SGCD: variants seen among roughly 807,000 people sequenced by gnomAD.
The protein encoded by SGCD is sarcoglycan delta.
SGCD carries 18 observed loss-of-function variants against 36.6 expected under a neutral mutation model. The observed-to-expected ratio is 0.49, with a 90% CI of 0.34 to 0.73. The LOEUF is 0.73. Ranked by LOEUF, SGCD falls within the 30% of genes least tolerant of loss-of-function variation. SGCD has a pLI of 0.01. For synonymous variants in SGCD, 133 were observed against 130.6 expected (o/e 1.02, Z -0.12); for missense variants, 387 against 346.7 (o/e 1.12, Z -0.92).
chr5:156,342,621 G>A (rs148864676), intron 2 of SGCD, among the ~76,000 whole-genome samples: 143 of 152,148 alleles, frequency 9.4e-4, no homozygotes, highest in African/African-American at 3.3e-3. Flanking sequence ...TTGTGTTCCC[G>A]TCTTCTTATA....
At chr5:155,981,147 A>G (rs952836329) in intron 1 of SGCD, among the ~76,000 whole-genome samples, 2 of 152,028 alleles carry the variant, frequency 1.3e-5, no homozygotes, top group African/African-American at 4.8e-5. Context: ...GAGGACCTGC[A>G]TCTAGGTGAG....
chr5:156,028,750 T>C (rs566316417), intron 1 of SGCD, among the ~76,000 whole-genome samples: 17 of 152,340 alleles, frequency 1.1e-4, no homozygotes, highest in African/African-American at 4.1e-4. Context: ...ATTTTTTCTT[T>C]GAAAGAGATT....
chr5:156,408,159 C>A (rs1772522768), intron 3 of SGCD, among the ~76,000 whole-genome samples: 1 of 152,138 alleles, frequency 6.6e-6, no homozygotes, highest in Admixed American at 6.5e-5. Context: ...CCTCTTAGCT[C>A]TTTTGTCTTT....
At chr5:156,444,064 TTCTCTCTCTCTCTCTCTCTCTC>T (rs535098783) in intron 3 of SGCD, among the ~76,000 whole-genome samples, 9 of 34,486 alleles carry the variant, frequency 2.6e-4, no homozygotes, top group Non-Finnish European at 4.1e-4. Flanking sequence ...CTTTCTCTCC[TTCTCTCTCTCTCTCTCTCTCTC>T]TCTCTCTCTC....
At chr5:156,451,424 T>C (rs1031536518) in intron 3 of SGCD, among the ~76,000 whole-genome samples, 20 of 152,162 alleles carry the variant, frequency 1.3e-4, no homozygotes, top group African/African-American at 4.8e-4. Flanking sequence ...GGATGTGTCC[T>C]GTTAAGGAAT....
chr5:156,240,322 A>G (rs747353929), intron 3 of SGCD, among the ~76,000 whole-genome samples: 1 of 152,176 alleles, frequency 6.6e-6, no homozygotes, highest in Non-Finnish European at 1.5e-5. Flanking sequence ...GAATAGAATA[A>G]GCTGTTTTCT....
chr5:156,479,162 G>T (rs1175406993), intron 3 of SGCD, among the ~76,000 whole-genome samples: 1 of 151,160 alleles, frequency 6.6e-6, no homozygotes, highest in South Asian at 2.1e-4. Flanking sequence ...ACATGATCTC[G>T]GCTCACTGCA....
the SGCD span, among the ~76,000 whole-genome samples, chr5:155,789,836 C>A: frequency 6.6e-5 from 10 of 152,150 alleles, no homozygotes; most frequent in African/African-American, 1.7e-4. Flanking sequence ...ATTTGCCACA[C>A]GTCCCAAAGT....
the SGCD span, among the ~76,000 whole-genome samples, chr5:155,751,516 G>T: frequency 2.0e-5 from 3 of 151,954 alleles, no homozygotes; most frequent in African/African-American, 7.2e-5. Context: ...CCTCCCCAGT[G>T]GCTGGGACTA....
chr5:155,831,338 A>C, the SGCD span, among the ~76,000 whole-genome samples: 1 of 152,106 alleles, frequency 6.6e-6, no homozygotes, highest in African/African-American at 2.4e-5. Flanking sequence ...AGTTCATTTC[A>C]TCTTGTACAA....
chr5:156,086,792 CATAAA>C (rs1761105569), intron 1 of SGCD, among the ~76,000 whole-genome samples: 1 of 152,102 alleles, frequency 6.6e-6, no homozygotes. Flanking sequence ...AGAAGCTAAA[CATAAA>C]ATAAACAAGG....
intron 3 of SGCD, among the ~76,000 whole-genome samples, chr5:156,255,768 G>T (rs193166904): frequency 6.6e-6 from 1 of 152,004 alleles, no homozygotes; most frequent in South Asian, 2.1e-4. Flanking sequence ...CTCACCAGAG[G>T]TGTGTTTATT....
chr5:156,175,293 G>GTTACTT (rs1280728797), intron 3 of SGCD, among the ~76,000 whole-genome samples: 2 of 152,072 alleles, frequency 1.3e-5, no homozygotes, highest in African/African-American at 4.8e-5. Flanking sequence ...ATGCCTGTCA[G>GTTACTT]TTACTTTTGA....
intron 7 of SGCD, among the ~76,000 whole-genome samples, chr5:156,686,803 A>G (rs967120154): frequency 1.3e-5 from 2 of 152,202 alleles, no homozygotes; most frequent in Non-Finnish European, 2.9e-5. Flanking sequence ...TTCTATAGGC[A>G]AAGCCAAAGC....
At chr5:156,628,071 T>C (rs899710568) in intron 6 of SGCD, among the ~76,000 whole-genome samples, 6 of 152,110 alleles carry the variant, frequency 3.9e-5, no homozygotes, top group Non-Finnish European at 7.4e-5. Context: ...CTTACAGTCA[T>C]GGTGGAAGGC....
chr5:155,996,275 C>CT (rs1293514017), intron 1 of SGCD, among the ~76,000 whole-genome samples: 2 of 152,020 alleles, frequency 1.3e-5, no homozygotes, highest in African/African-American at 4.8e-5. Context: ...CTTCTCCCTC[C>CT]TCCCATCCTT....
intron 3 of SGCD, among the ~76,000 whole-genome samples, chr5:156,397,992 A>C (rs1389469972): frequency 6.6e-6 from 1 of 152,198 alleles, no homozygotes; most frequent in African/African-American, 2.4e-5. Flanking sequence ...TCAGCATCCA[A>C]ACCTTTTTAA....
At chr5:156,387,282 T>C (rs1317027552) in intron 3 of SGCD, among the ~76,000 whole-genome samples, 2 of 152,200 alleles carry the variant, frequency 1.3e-5, no homozygotes, top group African/African-American at 4.8e-5. Context: ...TTCAAGATTG[T>C]AGAAATTCAG....
chr5:156,006,041 T>A (rs1758755047), intron 1 of SGCD, among the ~76,000 whole-genome samples: 1 of 152,212 alleles, frequency 6.6e-6, no homozygotes. Flanking sequence ...GAATGATACA[T>A]ACCTCAGGTG....
Sources: allele counts gnomAD v4.1 joint callset (sites outside exome capture counted in the v4.1 genomes callset), GRCh38; gene constraint gnomAD v4.1.1; transcripts MANE v1.5; gene names NCBI Gene and HGNC (gene_info 2026-07-23, HGNC 2026-07-21).